PDE1C: variants seen among roughly 807,000 people sequenced by gnomAD.
PDE1C encodes the protein phosphodiesterase 1C.
A neutral mutation model predicts 93.1 loss-of-function variants in PDE1C; 62 were observed. The observed-to-expected ratio is 0.67, with a 90% CI of 0.54 to 0.82. PDE1C has a LOEUF of 0.82. Among genes scored for constraint, PDE1C ranks in the 40% least tolerant of loss-of-function variants. The probability of loss-of-function intolerance (pLI) is 0.00; values close to 1 mark genes in which losing one functional copy is unlikely to be tolerated. For missense variants in PDE1C, 742 were observed against 884.6 expected, an observed-to-expected ratio of 0.84 and a Z score of 2.04; for synonymous variants, 325 against 310.1, an observed-to-expected ratio of 1.05 and a Z score of -0.50.
intron 3 of PDE1C, among the ~76,000 whole-genome samples, chr7:32,147,473 C>G (rs1376349900): frequency 2.0e-5 from 3 of 152,080 alleles, no homozygotes; most frequent in Non-Finnish European, 4.4e-5. Context: ...ATTAATTATG[C>G]CTTTTTTGAA....
At chr7:32,024,392 T>A (rs932780167) in intron 2 of PDE1C, among the ~76,000 whole-genome samples, 1 of 149,576 alleles carries the variant, frequency 6.7e-6, no homozygotes, top group Admixed American at 6.6e-5. Context: ...GATTTCTCAA[T>A]ATACATATGT....
intron 1 of PDE1C, among the ~76,000 whole-genome samples, chr7:32,246,697 A>G (rs1808983226): frequency 6.6e-6 from 1 of 152,226 alleles, no homozygotes; most frequent in African/African-American, 2.4e-5. Context: ...CAACAGATAC[A>G]AGTTCAAACA....
At chr7:32,342,685 T>C (rs1562682933) in intron 1 of PDE1C, among the ~76,000 whole-genome samples, 1 of 152,216 alleles carries the variant, frequency 6.6e-6, no homozygotes, top group Non-Finnish European at 1.5e-5. Flanking sequence ...ATTCCTGTTC[T>C]ACTAATTGTG....
chr7:32,423,920 T>C (rs1050620634), intron 1 of PDE1C, among the ~76,000 whole-genome samples: 1 of 152,246 alleles, frequency 6.6e-6, no homozygotes, highest in Non-Finnish European at 1.5e-5. Flanking sequence ...TAATCAATAA[T>C]GTCAGGATCT....
chr7:31,658,747 TG>T, the PDE1C span: 1 of 156,434 alleles, frequency 6.4e-6, no homozygotes, highest in African/African-American at 2.4e-5. Flanking sequence ...GAGGTTGGTA[TG>T]GGATGCTTCC....
chr7:31,789,749 C>T (rs558292383), intron 16 of PDE1C: 15 of 985,948 alleles, frequency 1.5e-5, no homozygotes, highest in South Asian at 9.4e-5. Context: ...ATCATCTTTG[C>T]GGTGATGAAT....
chr7:32,274,987 C>T (rs1811191642), intron 1 of PDE1C, among the ~76,000 whole-genome samples: 1 of 152,176 alleles, frequency 6.6e-6, no homozygotes, highest in Non-Finnish European at 1.5e-5. Flanking sequence ...CTACAAGTCG[C>T]TAAGTTTCTG....
chr7:31,698,844 G>T, the PDE1C span, among the ~76,000 whole-genome samples: 1 of 152,302 alleles, frequency 6.6e-6, no homozygotes, highest in South Asian at 2.1e-4. Context: ...TTTAAGCAGA[G>T]ACCTCAGGAA....
intron 1 of PDE1C, among the ~76,000 whole-genome samples, chr7:32,270,874 T>C (rs1165396016): frequency 6.6e-6 from 1 of 152,038 alleles, no homozygotes; most frequent in African/African-American, 2.4e-5. Flanking sequence ...CTCACGCCTG[T>C]AATCCCAGCA....
intron 2 of PDE1C, among the ~76,000 whole-genome samples, chr7:32,020,127 C>G (rs1788448045): frequency 6.6e-6 from 1 of 152,138 alleles, no homozygotes; most frequent in East Asian, 1.9e-4. Context: ...GGTCTCTCTT[C>G]TACCTTCAGT....
At chr7:31,867,533 C>T (rs1465910941) in intron 6 of PDE1C, among the ~76,000 whole-genome samples, 2 of 152,150 alleles carry the variant, frequency 1.3e-5, no homozygotes, top group African/African-American at 4.8e-5. Flanking sequence ...CTATACATGC[C>T]ACCTGTGAGC....
intron 2 of PDE1C, among the ~76,000 whole-genome samples, chr7:32,005,802 C>G (rs1371740301): frequency 6.6e-6 from 1 of 152,114 alleles, no homozygotes; most frequent in African/African-American, 2.4e-5. Context: ...TTCTGGTCTA[C>G]TGCTAATTTG....
At chr7:32,278,392 GA>G (rs941776374) in intron 1 of PDE1C, among the ~76,000 whole-genome samples, 2 of 152,030 alleles carry the variant, frequency 1.3e-5, no homozygotes, top group African/African-American at 4.8e-5. Context: ...AGAATAAATG[GA>G]AAAAAAGTAA....
intron 2 of PDE1C, among the ~76,000 whole-genome samples, chr7:31,935,566 T>TATGC (rs1209387782): frequency 6.6e-6 from 1 of 152,124 alleles, no homozygotes. Flanking sequence ...TTCATTCAAT[T>TATGC]ATTCATTCAT....
In PDE1C at chr7:32,305,746, C is replaced by T. The variant is rs931318899; in HGVS notation, c.311-96207G>A. Among the ~76,000 whole-genome samples the T allele has an allele frequency of 2.0e-5, 3 of 152,242 alleles. No individual in the cohort carries two copies. In the South Asian group the frequency reaches 6.2e-4, roughly 32 times the overall value. ...GGGCCCAACTCACTAGGGCAAGAGT[C>T]TCTCCTGGGCAGAGCCCATATGGCA... On this transcript the variant is annotated intron_variant, in intron 1 of 1. Coordinates refer to the PDE1C transcript ENST00000672256.
intron 14 of PDE1C, among the ~76,000 whole-genome samples, chr7:31,819,222 C>T (rs1351166935): frequency 6.6e-6 from 1 of 152,004 alleles, no homozygotes; most frequent in African/African-American, 2.4e-5. Flanking sequence ...TTAGTGTGAT[C>T]GACTGCATGA....
the PDE1C span, among the ~76,000 whole-genome samples, chr7:31,685,989 G>C: frequency 6.6e-6 from 1 of 152,124 alleles, no homozygotes; most frequent in Non-Finnish European, 1.5e-5. Context: ...CCTGTTATTT[G>C]GGATCCTGGC....
intron 2 of PDE1C, among the ~76,000 whole-genome samples, chr7:31,927,285 G>A (rs1312777132): frequency 6.6e-6 from 1 of 152,200 alleles, no homozygotes; most frequent in African/African-American, 2.4e-5. Context: ...AAAGAAAGGC[G>A]GCAGCCTCAG....
chr7:31,800,828 A>C (rs1785916474), intron 16 of PDE1C, among the ~76,000 whole-genome samples: 1 of 151,412 alleles, frequency 6.6e-6, no homozygotes, highest in Non-Finnish European at 1.5e-5. Flanking sequence ...CAACATGGGA[A>C]GAATTTACAT....
Sources: gnomAD v4.1 joint callset for allele counts (sites outside exome capture counted in the v4.1 genomes callset) on GRCh38, gnomAD v4.1.1 for gene constraint, MANE v1.5 for transcripts, NCBI Gene and HGNC (gene_info 2026-07-23, HGNC 2026-07-21) for gene names.